The following CDKN2B-AS1 variants were observed in gnomAD, a reference collection of about 807,000 sequenced individuals.
CDKN2B-AS1 encodes CDKN2B antisense RNA 1 (non-protein coding).
chr9:22,099,475 T>G (rs1293548308), intron 4 of CDKN2B-AS1, among the ~76,000 whole-genome samples: 2 of 152,212 alleles, frequency 1.3e-5, no homozygotes, highest in Non-Finnish European at 2.9e-5. Flanking sequence ...TTACATATTT[T>G]CTTGTTTTTA....
chr9:22,076,309 C>T (rs1254460626), intron 4 of CDKN2B-AS1, among the ~76,000 whole-genome samples: 1 of 152,086 alleles, frequency 6.6e-6, no homozygotes, highest in Non-Finnish European at 1.5e-5. Context: ...CCGCCTGGGC[C>T]TCCCAAAGTG....
intron 4 of CDKN2B-AS1, among the ~76,000 whole-genome samples, chr9:22,115,172 G>T (rs543549216): frequency 6.6e-6 from 1 of 152,306 alleles, no homozygotes; most frequent in South Asian, 2.1e-4. Context: ...TTTTGTGTCT[G>T]AGTCACAAGG....
intron 4 of CDKN2B-AS1, chr9:22,097,108 A>C (rs951029896): frequency 6.6e-6 from 1 of 152,218 alleles, no homozygotes; most frequent in Admixed American, 6.5e-5. Context: ...TCACCAGCCC[A>C]TTCTTAATCT....
intron 1 of CDKN2B-AS1, among the ~76,000 whole-genome samples, chr9:22,012,708 A>G (rs1265308082): frequency 6.6e-6 from 1 of 152,176 alleles, no homozygotes; most frequent in Non-Finnish European, 1.5e-5. Flanking sequence ...ACTTTTGCAT[A>G]TGATTAGGAC....
rs139822576 is a variant in CDKN2B-AS1 at position 22,060,373 on chromosome 9, T to C, written n.438+3986T>C. ...CAGAGGCAAAATGCCACCAGTCTCT[T>C]TGCTAAAACCTAACAAGAGTCACAT... On this transcript the variant is annotated intron_variant and non_coding_transcript_variant, in intron 4 of 4. Transcript: ENST00000650946. 5.5e-3 allele frequency among the ~76,000 whole-genome samples: 839 copies of C among 152,298 alleles called. 10 individuals carry two copies. Among genetic ancestry groups the C allele is most frequent in the East Asian group, 0.019 (101 of 5,184 alleles).
rs777082689 is a variant in CDKN2B-AS1, at chr9:22,000,758, TAACA to T, written n.29+5603_29+5606del. Among the ~76,000 whole-genome samples, 2 of 152,160 alleles carry T rather than the reference TAACA, an allele frequency of 1.3e-5. No homozygotes were observed. The highest frequency in any genetic ancestry group is 2.9e-5 in the Non-Finnish European group (2 of 68,002). On this transcript the variant is annotated intron_variant and non_coding_transcript_variant, in intron 1 of 4. Transcript: ENST00000650946. The surrounding 1 kb of genome is among the most constrained non-coding windows in gnomAD (Gnocchi z 4.1). ...TATAAATATATTCTAAAATATATAATAACAAACAATAACAGTACTTGCAGCTTAA... is the reference window on the plus strand; with the variant it reads ...TATAAATATATTCTAAAATATATAATAACAATAACAGTACTTGCAGCTTAA...
At chr9:22,046,031 A>G (rs1823094869) in intron 1 of CDKN2B-AS1, among the ~76,000 whole-genome samples, 1 of 152,124 alleles carries the variant, frequency 6.6e-6, no homozygotes, top group African/African-American at 2.4e-5. Flanking sequence ...AAAATTTGGG[A>G]CAACCTGAAT....
intron 4 of CDKN2B-AS1, among the ~76,000 whole-genome samples, chr9:22,078,610 A>G (rs1193235397): frequency 6.7e-6 from 1 of 149,446 alleles, no homozygotes; most frequent in Non-Finnish European, 1.5e-5. Flanking sequence ...TCTTGTTAAA[A>G]TGCTAAATTC....
At chr9:22,007,640 G>C (rs1402125382) in intron 1 of CDKN2B-AS1, among the ~76,000 whole-genome samples, 1 of 151,906 alleles carries the variant, frequency 6.6e-6, no homozygotes, top group Non-Finnish European at 1.5e-5. Flanking sequence ...TTGTTGGCTT[G>C]TTTCATTAAT....
At chr9:22,089,719 G>T in intron 4 of CDKN2B-AS1, among the ~76,000 whole-genome samples, 1 of 152,022 alleles carries the variant, frequency 6.6e-6, no homozygotes, top group East Asian at 1.9e-4. Flanking sequence ...CAAAGTGCTG[G>T]AGTTATAGGC....
intron 4 of CDKN2B-AS1, among the ~76,000 whole-genome samples, chr9:22,098,324 T>C (rs1442285272): frequency 6.6e-6 from 1 of 151,584 alleles, no homozygotes; most frequent in Non-Finnish European, 1.5e-5. Context: ...CTATAATATA[T>C]CTTTATATGT....
chr9:22,095,504 C>T (rs1206714891), intron 4 of CDKN2B-AS1, among the ~76,000 whole-genome samples: 3 of 150,018 alleles, frequency 2.0e-5, no homozygotes, highest in African/African-American at 2.5e-5. Flanking sequence ...TGCTTTACTT[C>T]CAACTATGTG....
chr9:22,126,223 C>G (rs1252826662), intron 4 of CDKN2B-AS1, among the ~76,000 whole-genome samples: 1 of 152,138 alleles, frequency 6.6e-6, no homozygotes, highest in Non-Finnish European at 1.5e-5. Flanking sequence ...GAAGTTCCAA[C>G]CTATGTTTTT....
intron 1 of CDKN2B-AS1, among the ~76,000 whole-genome samples, chr9:22,008,004 G>A (rs964647180): frequency 6.6e-6 from 1 of 151,928 alleles, no homozygotes; most frequent in South Asian, 2.1e-4. Context: ...ACTAGCCAAC[G>A]GTAAAGTACA....
Position 22,107,291 on chromosome 9 carries a change from G to A in CDKN2B-AS1, n.439-19812G>A, listed in dbSNP as rs568362107. Among the ~76,000 whole-genome samples the A allele has an allele frequency of 5.3e-4, 81 of 152,298 alleles. 1 individual carries two copies. In the South Asian group the frequency reaches 0.016, roughly 30 times the overall value. Reference sequence around the variant, plus strand: ...AGAAAGAGAGGTAGCATTGGTAGCCGTTAGTCAACTCTGAGTGCAGGCACT... The same window carrying A: ...AGAAAGAGAGGTAGCATTGGTAGCCATTAGTCAACTCTGAGTGCAGGCACT... On this transcript the variant is annotated intron_variant and non_coding_transcript_variant, in intron 4 of 4. Coordinates refer to ENST00000650946, the Ensembl canonical transcript of CDKN2B-AS1.
chr9:22,023,167 C>G (rs1189072420), intron 1 of CDKN2B-AS1, among the ~76,000 whole-genome samples: 3 of 152,068 alleles, frequency 2.0e-5, no homozygotes, highest in Non-Finnish European at 4.4e-5. Context: ...GAATGTTGGC[C>G]TCTCTGGCTA....
chr9:22,015,531 G>A (rs1047023546), intron 1 of CDKN2B-AS1, among the ~76,000 whole-genome samples: 2 of 152,036 alleles, frequency 1.3e-5, no homozygotes, highest in Non-Finnish European at 2.9e-5. Flanking sequence ...TTGGGATTGT[G>A]TGGAATTTAT....
Position 22,074,537 on chromosome 9 carries a change from A to G in CDKN2B-AS1, n.438+18150A>G, listed in dbSNP as rs543126358. 2.0e-5 allele frequency among the ~76,000 whole-genome samples: 3 copies of G among 152,308 alleles called. No homozygotes were observed. In the South Asian group the frequency reaches 6.2e-4, roughly 32 times the overall value. ...TATCCAAGTAAACTTCAGACTTCAC[A>G]TATTTGTTTCCTTTTGTTTCCTTGT... On this transcript the variant is annotated intron_variant and non_coding_transcript_variant, in intron 4 of 4. Coordinates refer to ENST00000650946, the Ensembl canonical transcript of CDKN2B-AS1.
Position 22,045,924 on chromosome 9 carries a change from A to G in CDKN2B-AS1, n.30-827A>G, listed in dbSNP as rs1823090150. 1.3e-5 allele frequency among the ~76,000 whole-genome samples: 2 copies of G among 152,166 alleles called. 1 individual carries two copies. Among genetic ancestry groups the G allele is most frequent in the South Asian group, 4.1e-4 (2 of 4,830 alleles). ...ACCTATAATAATACAATACTATACT[A>G]CACAAATTGGACCTAAAATGAATTC... On this transcript the variant is annotated intron_variant and non_coding_transcript_variant, in intron 1 of 4. Coordinates refer to ENST00000650946, the Ensembl canonical transcript of CDKN2B-AS1.
Sources: allele counts gnomAD v4.1 joint callset (sites outside exome capture counted in the v4.1 genomes callset), GRCh38; gene constraint gnomAD v4.1.1; non-coding constraint Gnocchi (gnomAD v3.1); transcripts MANE v1.5; gene names NCBI Gene and HGNC (gene_info 2026-07-23, HGNC 2026-07-21).